The following CSMD3 variants were observed in gnomAD, a reference collection of about 807,000 sequenced individuals.
CSMD3 encodes CUB and Sushi multiple domains 3.
CSMD3 carries 177 observed loss-of-function variants against 435.2 expected under a neutral mutation model. That is an observed-to-expected ratio of 0.41 (90% CI 0.36 to 0.46). The LOEUF is 0.46. Ranked by LOEUF, CSMD3 falls within the 20% of genes least tolerant of loss-of-function variation. The probability of loss-of-function intolerance (pLI) is 0.34; values close to 1 mark genes in which losing one functional copy is unlikely to be tolerated. For synonymous variants in CSMD3, 1,656 were observed against 1,520.5 expected, an observed-to-expected ratio of 1.09 and a Z score of -2.07; for missense variants, 4,265 against 4,504.6, an observed-to-expected ratio of 0.95 and a Z score of 1.52.
chr8:112,383,483 A>G (rs1483231278), intron 37 of CSMD3, 84 bp downstream of exon 37: 1 of 772,086 alleles, frequency 1.3e-6, no homozygotes, highest in East Asian at 2.7e-5. Flanking sequence ...AAAACTACCA[A>G]GTAAGAGTTG....
intron 4 of CSMD3, among the ~76,000 whole-genome samples, chr8:113,120,422 G>A (rs187101266): frequency 2.2e-4 from 33 of 152,112 alleles, no homozygotes; most frequent in Non-Finnish European, 3.5e-4. Context: ...CTTAGTGTCT[G>A]TATTTTTGCA....
chr8:112,541,106 T>C (rs1263398022), intron 27 of CSMD3, among the ~76,000 whole-genome samples: 3 of 151,744 alleles, frequency 2.0e-5, no homozygotes, highest in Non-Finnish European at 4.4e-5. Context: ...AAAAACACGA[T>C]ATGCCAAAAT....
At chr8:113,048,852 C>G (rs972154510) in intron 5 of CSMD3, among the ~76,000 whole-genome samples, 11 of 152,130 alleles carry the variant, frequency 7.2e-5, no homozygotes, top group Non-Finnish European at 1.3e-4. Context: ...CATTAATGAT[C>G]TGAAAACCCT....
At chr8:113,289,599 G>C (rs1048405016) in intron 2 of CSMD3, among the ~76,000 whole-genome samples, 6 of 147,386 alleles carry the variant, frequency 4.1e-5, no homozygotes, top group Admixed American at 2.0e-4. Context: ...AAATACATCT[G>C]TGTCTTTAGT....
intron 1 of CSMD3, among the ~76,000 whole-genome samples, chr8:113,389,683 C>A (rs924849565): frequency 1.3e-5 from 2 of 151,662 alleles, no homozygotes; most frequent in African/African-American, 4.8e-5. Flanking sequence ...GGCTGATTCA[C>A]CATATGCTAG....
intron 12 of CSMD3, among the ~76,000 whole-genome samples, chr8:112,803,896 T>A (rs1289578222): frequency 2.0e-5 from 3 of 152,160 alleles, no homozygotes; most frequent in South Asian, 4.1e-4. Flanking sequence ...AGTTCTGCAA[T>A]CAGCAGACTC....
intron 7 of CSMD3, among the ~76,000 whole-genome samples, chr8:112,972,391 C>T (rs181100388): frequency 3.8e-4 from 58 of 151,800 alleles, no homozygotes; most frequent in Admixed American, 2.6e-3. Flanking sequence ...AATATTTTTT[C>T]ATAGGATATT....
chr8:113,326,275 C>T (rs779083941), intron 1 of CSMD3, among the ~76,000 whole-genome samples: 46 of 152,226 alleles, frequency 3.0e-4, no homozygotes, highest in South Asian at 1.0e-3. Flanking sequence ...CAGTTGATTA[C>T]AAATCTTGCT....
chr8:113,245,862 T>G (rs1162503339), intron 3 of CSMD3, among the ~76,000 whole-genome samples: 1 of 152,026 alleles, frequency 6.6e-6, no homozygotes, highest in Non-Finnish European at 1.5e-5. Context: ...AATGTATTAA[T>G]TTATTCTTTA....
rs535184052 is a variant in CSMD3, at chr8:112,334,063, A to T, written c.7165+1266T>A. Among the ~76,000 whole-genome samples the T allele has an allele frequency of 8.2e-4, 125 of 152,030 alleles. 1 individual carries two copies. The highest frequency in any genetic ancestry group is 7.3e-3 in the South Asian group (35 of 4,810). ...GGAAAGGCAAATAAATTATTTTTTT[A>T]AAAAAAACAGCCGGAATAAAAGTTG... On this transcript the variant is annotated intron_variant, in intron 45 of 70. Transcript: ENST00000297405.
chr8:113,268,524 T>C (rs941177104), intron 3 of CSMD3, among the ~76,000 whole-genome samples: 18 of 151,838 alleles, frequency 1.2e-4, no homozygotes, highest in Non-Finnish European at 2.7e-4. Flanking sequence ...TTAGAAAATT[T>C]TTCTGCAGAA....
chr8:112,822,124 G>A (rs535430211), intron 12 of CSMD3, among the ~76,000 whole-genome samples: 1 of 152,088 alleles, frequency 6.6e-6, no homozygotes, highest in Admixed American at 6.6e-5. Flanking sequence ...GATTGTCTTG[G>A]CTATACAGGC....
At chr8:112,872,917 G>T (rs180902929) in intron 10 of CSMD3, among the ~76,000 whole-genome samples, 21 of 151,892 alleles carry the variant, frequency 1.4e-4, no homozygotes, top group African/African-American at 5.1e-4. Flanking sequence ...GAGATGAGAA[G>T]TAAGAACAGA....
At chr8:112,337,473 T>C (rs1217026826) in intron 43 of CSMD3, 70 bp downstream of exon 43, 2 of 1,250,232 alleles carry the variant, frequency 1.6e-6, no homozygotes, top group African/African-American at 1.5e-5. Context: ...GGAAGACAAG[T>C]AAAAAGTGCC....
chr8:112,495,441 C>G (rs1485337340), intron 30 of CSMD3, among the ~76,000 whole-genome samples: 1 of 152,128 alleles, frequency 6.6e-6, no homozygotes, highest in Admixed American at 6.5e-5. Flanking sequence ...AGGAAAGGGA[C>G]ACATGTTTGA....
intron 1 of CSMD3, among the ~76,000 whole-genome samples, chr8:113,386,832 AT>A (rs2094441432): frequency 6.6e-6 from 1 of 151,902 alleles, no homozygotes; most frequent in African/African-American, 2.4e-5. Flanking sequence ...ATTGCAAACT[AT>A]TACTTCAAAT....
At chr8:113,204,500 T>A (rs1330855168) in intron 3 of CSMD3, among the ~76,000 whole-genome samples, 1 of 152,092 alleles carries the variant, frequency 6.6e-6, no homozygotes, top group East Asian at 1.9e-4. Flanking sequence ...ATTATTGAAG[T>A]AAGAACAATT....
chr8:113,288,994 TA>T (rs1191795984), intron 2 of CSMD3, among the ~76,000 whole-genome samples: 1 of 151,722 alleles, frequency 6.6e-6, no homozygotes, highest in African/African-American at 2.4e-5. Context: ...CATCTAATTA[TA>T]AAAAAACTCA....
intron 11 of CSMD3, among the ~76,000 whole-genome samples, chr8:112,848,080 T>C (rs1427022340): frequency 6.6e-6 from 1 of 152,134 alleles, no homozygotes; most frequent in Non-Finnish European, 1.5e-5. Flanking sequence ...GAATTTAAGT[T>C]TGGGGCAAGT....
Sources: allele counts gnomAD v4.1 joint callset (sites outside exome capture counted in the v4.1 genomes callset), GRCh38; gene constraint gnomAD v4.1.1; transcripts MANE v1.5; gene names NCBI Gene and HGNC (gene_info 2026-07-23, HGNC 2026-07-21).